GPAT2: variants seen among roughly 807,000 people sequenced by gnomAD.
GPAT2 encodes glycerol-3-phosphate acyltransferase 2, mitochondrial, also known as 1-acylglycerol-3-phosphate O-acyltransferase GPAT2.
GPAT2 carries 51 observed loss-of-function variants against 71.0 expected under a neutral mutation model. The ratio of observed to expected loss-of-function variants is 0.72; its 90% CI spans 0.57 to 0.91. GPAT2 has a LOEUF of 0.91. GPAT2 is among the 40% of genes least tolerant of loss of function. The probability of loss-of-function intolerance (pLI) is 0.00; values close to 1 mark genes in which losing one functional copy is unlikely to be tolerated. For missense variants in GPAT2, 511 were observed against 666.0 expected (o/e 0.77, Z 2.56); for synonymous variants, 222 against 290.3 (o/e 0.76, Z 2.39).
chr2:96,024,739 A>G, intron 14 of GPAT2, 34 bp downstream of exon 14: 3 of 1,601,788 alleles, frequency 1.9e-6, no homozygotes, highest in Non-Finnish European at 2.6e-6. Flanking sequence ...CACCCCCCCC[A>G]CCGCCCAGGT....
chr2:96,025,451 C>T (rs765463471), intron 13 of GPAT2, 34 bp downstream of exon 13: 1 of 1,573,786 alleles, frequency 6.4e-7, no homozygotes, highest in Non-Finnish European at 8.6e-7. Flanking sequence ...TTCAGTGACC[C>T]ACCCGCAAAG....
Position 96,025,935 on chromosome 2 carries a change from G to A in GPAT2, c.1233C>T (p.Gly411=). 6.2e-7 allele frequency: 1 copy of A among 1,612,184 alleles called. No homozygotes were observed. Among genetic ancestry groups the A allele is most frequent in the Middle Eastern group, 2.1e-4 (1 of 4,840 alleles). Residue 411 remains glycine, a synonymous_variant, in exon 12 of 22, where the codon GGC becomes GGT. Coordinates refer to ENST00000434632, the MANE Select transcript of GPAT2 (RefSeq NM_001321527.2). ...LEQLLQPIVL[G]QCTAVPDTEK... Reference sequence around the variant, plus strand: ...CCACGCTCCTGTGCCCCTACCATTGGCCCAGCACGATGGGCTGCAGTAGCT... The same window carrying A: ...CCACGCTCCTGTGCCCCTACCATTGACCCAGCACGATGGGCTGCAGTAGCT...
rs1558686618 is a variant in GPAT2, at chr2:96,026,196, G to A, written c.1142C>T (p.Pro381Leu). The stretch of plus-strand genomic sequence containing the variant: ...CTGGCTCCATACCTGCAGGGAAAAG[G>A]GCTGAGCTAGGTGCACCCGGGAGCA... ...RICSRVHLAQ[P>L]FSLQEYIVSA... The change falls in exon 11 of 22, where the codon CCC becomes CTC. Residue 381 changes from proline to leucine, a missense_variant. Physicochemically the swap from Pro to Leu is moderately conservative, Grantham distance 98 (BLOSUM62 -3). Around this residue, in one of 7 missense-constraint regions of GPAT2, gnomAD observed 79 missense variants for 111.4 expected, o/e 0.71. Coordinates refer to ENST00000434632, the MANE Select transcript of GPAT2 (RefSeq NM_001321527.2). 1.9e-6 allele frequency: 3 copies of A among 1,609,856 alleles called. No individual in the cohort carries two copies. The African/African-American group carries it at 4.0e-5, about 22-fold the overall frequency.
intron 6 of GPAT2, among the ~76,000 whole-genome samples, chr2:96,029,523 TCCA>T (rs1680563456): frequency 1.7e-5 from 1 of 60,062 alleles, no homozygotes; most frequent in Admixed American, 1.9e-4. Flanking sequence ...CCTCAGTGTC[TCCA>T]CAAGCATGTC....
At position 96,024,497 on chromosome 2, in the gene GPAT2, G is replaced by C; in HGVS notation, c.1617C>G (p.Gly539=). 6.2e-7 allele frequency: 1 copy of C among 1,613,948 alleles called. No homozygotes were observed. Among genetic ancestry groups the C allele is most frequent in the Non-Finnish European group, 8.5e-7 (1 of 1,179,958 alleles). ...GTTGTGCCAGGTGTGTGAGGCCTGG[G>C]CCAGGCTGCGGCACCACCAGCAAGT... is the stretch of plus-strand genomic sequence containing the variant. ...QGDLLVVPQP[G]PGLTHLAQLS... The change falls in exon 15 of 22, where the codon GGC becomes GGG. Residue 539 remains glycine (G), a synonymous_variant. Transcript: ENST00000434632.
intron 21 of GPAT2, among the ~76,000 whole-genome samples, 160 bp from the exon 22 acceptor site, chr2:96,022,435 C>T (rs1429953133): frequency 1.3e-5 from 2 of 152,230 alleles, no homozygotes; most frequent in African/African-American, 2.4e-5. Flanking sequence ...TCCCAATACC[C>T]CACCTAGAAA....
chr2:96,022,660 C>T lies in GPAT2; in HGVS notation c.2289+8G>A, dbSNP rs896056976. 5.0e-6 allele frequency: 8 copies of T among 1,613,502 alleles called. No homozygotes were observed. Among genetic ancestry groups the T allele is most frequent in the Admixed American group, 1.7e-5 (1 of 60,014 alleles). Reference sequence around the variant, plus strand: ...GGGACAGAAGATGGTGACAGTGGCTCCTCTCACCCCTAGGTCTCTGAAGGT... The same window carrying T: ...GGGACAGAAGATGGTGACAGTGGCTTCTCTCACCCCTAGGTCTCTGAAGGT... On this transcript the variant is annotated splice_region_variant and intron_variant, in intron 21 of 21. Coordinates refer to ENST00000434632, the MANE Select transcript of GPAT2 (RefSeq NM_001321527.2).
Position 96,022,252 on chromosome 2 carries a change from A to G in GPAT2, c.2313T>C (p.Pro771=). ...GGGACAGGTGGAGCCTGGGGCCTGC[A>G]GGGCTCGGCGTCTGCTGCAGAACCT... ...DLGVLQQTPS[P]AGPRLHLSPT... is the part of the protein sequence containing the mutation. Residue 771 remains proline, a synonymous_variant, in exon 22 of 22, where the codon CCT becomes CCC. Coordinates refer to ENST00000434632, the MANE Select transcript of GPAT2 (RefSeq NM_001321527.2). The G allele has an allele frequency of 6.2e-7, 1 of 1,603,528 alleles. No individual in the cohort carries two copies. Among genetic ancestry groups the G allele is most frequent in the Admixed American group, 1.7e-5 (1 of 58,674 alleles).
Position 96,024,498 on chromosome 2 carries a change from C to A in GPAT2, c.1616G>T (p.Gly539Val). 1.2e-6 allele frequency: 2 copies of A among 1,613,944 alleles called. No individual in the cohort carries two copies. The highest frequency in any genetic ancestry group is 1.7e-6 in the Non-Finnish European group (2 of 1,179,960). Residue 539 changes from glycine (G) to valine (V), a missense_variant, in exon 15 of 22, where the codon GGC becomes GTC. By Grantham distance (109) the Gly-to-Val change is moderately radical. Around this residue, in one of 7 missense-constraint regions of GPAT2, gnomAD observed 295 missense variants for 305.5 expected, o/e 0.97. Coordinates refer to ENST00000434632, the MANE Select transcript of GPAT2 (RefSeq NM_001321527.2). ...TTGTGCCAGGTGTGTGAGGCCTGGG[C>A]CAGGCTGCGGCACCACCAGCAAGTC... Reference protein sequence around the residue: ...QGDLLVVPQPGPGLTHLAQLS... With the variant: ...QGDLLVVPQPVPGLTHLAQLS...
chr2:96,022,416 G>A lies in GPAT2; in HGVS notation c.2290-141C>T, dbSNP rs1027717488. The A allele has an allele frequency of 7.5e-5, 84 of 1,120,754 alleles. No homozygotes were observed. The Middle Eastern group carries it at 8.9e-4, about 12-fold the overall frequency. The allele number at this position is 1,120,754 out of a possible 1,614,324, so 69.4% of individuals were successfully genotyped here. On this transcript the variant is annotated intron_variant, in intron 21 of 21. Coordinates refer to ENST00000434632, the MANE Select transcript of GPAT2 (RefSeq NM_001321527.2). ...TCAATGTTTGCGTGCAAATGCTGCC[G>A]CAAAGCAGTCCCAATACCCCACCTA...
Position 96,026,260 on chromosome 2 carries a change from G to A in GPAT2, c.1078C>T (p.Arg360Cys), listed in dbSNP as rs532309067. 4.9e-5 allele frequency: 79 copies of A among 1,607,366 alleles called. No individual in the cohort carries two copies. The East Asian group carries it at 1.3e-3, about 26-fold the overall frequency. ...GLWTGALAVL[R>C]SLWSRWGCSH... ...CAGCCCCAGCGGCTCCACAAGCTAC[G>A]TAGGACAGCCAGAGCTCCTGTCCAC... The change falls in exon 11 of 22, where the codon CGT (arginine) becomes TGT (cysteine). Residue 360 changes from arginine to cysteine, a missense_variant. By Grantham distance (180) the Arg-to-Cys change is radical. Transcript: ENST00000434632.
At chr2:96,032,454 A>T in intron 1 of GPAT2, 35 bp from the exon 2 acceptor site, 1 of 1,232,870 alleles carries the variant, frequency 8.1e-7, no homozygotes, top group South Asian at 1.3e-5. Context: ...TGGAGCCATA[A>T]GAATCTGAGC....
chr2:96,026,453 G>C, intron 10 of GPAT2, 148 bp from the exon 11 acceptor site: 1 of 634,084 alleles, frequency 1.6e-6, no homozygotes, highest in Admixed American at 3.9e-5. Flanking sequence ...GCGTGACCTT[G>C]TCCCAAGCTC....
rs1680239866 is a variant in GPAT2 at position 96,025,009 on chromosome 2, C to A, written c.1358-166G>T. 5.1e-6 allele frequency: 4 copies of A among 782,296 alleles called. No individual in the cohort carries two copies. In the East Asian group the frequency reaches 1.1e-4, roughly 21 times the overall value. 48.5% of individuals were successfully genotyped at this position (782,296 alleles called of 1,614,324 possible). On this transcript the variant is annotated intron_variant, in intron 13 of 21. Transcript: ENST00000434632. ...TATCATCACACAGGCTGAGAGCAGG[C>A]CAGGAGCTGGGGGCCTTCCCCTGGA... is the stretch of plus-strand genomic sequence containing the variant.
At chr2:96,026,566 T>G in intron 10 of GPAT2, 131 bp downstream of exon 10, 1 of 196,944 alleles carries the variant, frequency 5.1e-6, no homozygotes, top group Non-Finnish European at 8.5e-6. Context: ...GCCAGATGAT[T>G]GTAAGGACGA....
In GPAT2 at chr2:96,025,428, C is replaced by T. The variant is rs964629941; in HGVS notation, c.1357+57G>A. 1.1e-5 allele frequency: 17 copies of T among 1,547,026 alleles called. No individual in the cohort carries two copies. The Middle Eastern group carries it at 6.1e-4, about 56-fold the overall frequency. ...GAGAACCCTGGTGACTGGCTGACCCCGAGAGGGGACGGTTCAGTGACCCAC... is the reference window on the plus strand; with the variant it reads ...GAGAACCCTGGTGACTGGCTGACCCTGAGAGGGGACGGTTCAGTGACCCAC... On this transcript the variant is annotated intron_variant, in intron 13 of 21. Transcript: ENST00000434632.
chr2:96,022,616 C>G, intron 21 of GPAT2, 52 bp downstream of exon 21: 2 of 1,591,272 alleles, frequency 1.3e-6, no homozygotes, highest in Non-Finnish European at 8.6e-7. Context: ...CTGAGCTACT[C>G]TATTGGGGTG....
chr2:96,026,507 G>C, intron 10 of GPAT2, 190 bp downstream of exon 10: 1 of 334,222 alleles, frequency 3.0e-6, no homozygotes, highest in Non-Finnish European at 5.0e-6. Flanking sequence ...TCCCTATCAA[G>C]GTCTTCAGAG....
At chr2:96,022,317 G>T in intron 21 of GPAT2, 42 bp from the exon 22 acceptor site, 2 of 1,540,510 alleles carry the variant, frequency 1.3e-6, no homozygotes, top group South Asian at 1.2e-5. Context: ...TCACCACAGG[G>T]ACTGTGTACA....
Sources: allele counts gnomAD v4.1 joint callset (sites outside exome capture counted in the v4.1 genomes callset), GRCh38; gene constraint gnomAD v4.1.1; regional missense constraint gnomAD v4.1.1; transcripts MANE v1.5; gene names NCBI Gene and HGNC (gene_info 2026-07-23, HGNC 2026-07-21).